OSBPL9: variants seen among roughly 807,000 people sequenced by gnomAD.
OSBPL9 encodes oxysterol-binding protein-related protein 9.
Under a neutral mutation model 106.6 loss-of-function variants are expected in OSBPL9, and 40 were observed. The observed-to-expected ratio is 0.38, with a 90% CI of 0.29 to 0.49. OSBPL9 has a LOEUF of 0.49. Among genes scored for constraint, OSBPL9 ranks in the 20% least tolerant of loss-of-function variants. The pLI is 0.97. For synonymous variants in OSBPL9, 269 were observed against 295.4 expected (o/e 0.91, Z 0.92); for missense variants, 609 against 887.2 (o/e 0.69, Z 3.98).
At chr1:51,521,051 C>T in the OSBPL9 span, among the ~76,000 whole-genome samples, 1 of 152,170 alleles carries the variant, frequency 6.6e-6, no homozygotes, top group African/African-American at 2.4e-5. Flanking sequence ...AGGAAGTAAT[C>T]GTCATACTCA....
Position 51,765,896 on chromosome 1 carries a change from G to C in OSBPL9, c.853G>C (p.Glu285Gln). ...GAACTTGTCTCCAAATACAGTCCCA[G>C]AGTTCTCTTACTCCAGCAGTGAAGA... ...HVNLSPNTVPEFSYSSSEDEF... is the reference protein window; with the variant it reads ...HVNLSPNTVPQFSYSSSEDEF... Residue 285 changes from glutamate (E) to glutamine (Q), a missense_variant, in exon 12 of 24, where the codon GAG becomes CAG. Around this residue, in one of 5 missense-constraint regions of OSBPL9, gnomAD observed 356 missense variants for 505.8 expected, o/e 0.70. Coordinates refer to ENST00000428468, the MANE Select transcript of OSBPL9 (RefSeq NM_024586.6). 6.2e-7 allele frequency: 1 copy of C among 1,614,024 alleles called. No homozygotes were observed. The highest frequency in any genetic ancestry group is 8.5e-7 in the Non-Finnish European group (1 of 1,179,966).
chr1:51,636,469 C>G (rs1189248108), intron 1 of OSBPL9, among the ~76,000 whole-genome samples: 1 of 151,932 alleles, frequency 6.6e-6, no homozygotes, highest in African/African-American at 2.4e-5. Flanking sequence ...TCCCAAGTAG[C>G]TGGGACTACA....
chr1:51,657,978 T>TTACACC (rs1646918237), intron 2 of OSBPL9, among the ~76,000 whole-genome samples: 2 of 151,814 alleles, frequency 1.3e-5, no homozygotes, highest in African/African-American at 4.8e-5. Flanking sequence ...GTGTGGTGGC[T>TTACACC]TACACCTCTA....
intron 7 of OSBPL9, among the ~76,000 whole-genome samples, chr1:51,749,103 T>C (rs540211291): frequency 2.0e-5 from 3 of 151,314 alleles, no homozygotes; most frequent in Non-Finnish European, 2.9e-5. Context: ...AAAAAAGTGA[T>C]GGGATTATAG....
At chr1:51,605,983 AAGAG>A (rs1160015759) in intron 2 of OSBPL9, among the ~76,000 whole-genome samples, 1 of 147,018 alleles carries the variant, frequency 6.8e-6, no homozygotes, top group African/African-American at 2.6e-5. Flanking sequence ...GAAACAAAGA[AAGAG>A]AGCGAGAGAG....
rs560787970 is a variant in OSBPL9, at chr1:51,747,879, T to TC, written c.463-487dup. ...ATCTCGGCTCACTGCAAGCTCTGCC[T>TC]CCCAGGTTCACGCCATTCTCCTGCC... On this transcript the variant is annotated intron_variant, in intron 6 of 23. Coordinates refer to ENST00000428468, the MANE Select transcript of OSBPL9 (RefSeq NM_024586.6). 1.1e-3 allele frequency among the ~76,000 whole-genome samples: 174 copies of TC among 152,258 alleles called. 4 individuals carry two copies. The East Asian group carries it at 0.027, about 23-fold the overall frequency.
rs539649198 is a variant in OSBPL9, at chr1:51,763,893, A to G, written c.778+1922A>G. ...AAAATTCCAAAATTTTTCTGTTTGG[A>G]AATACGTAAAACTAGCAACAGACTT... is the stretch of plus-strand genomic sequence containing the variant. On this transcript the variant is annotated intron_variant, in intron 11 of 23. Coordinates refer to ENST00000428468, the MANE Select transcript of OSBPL9 (RefSeq NM_024586.6). Among the ~76,000 whole-genome samples the G allele has an allele frequency of 5.3e-5, 8 of 152,258 alleles. No individual in the cohort carries two copies. The East Asian group carries it at 1.5e-3, about 29-fold the overall frequency.
In OSBPL9 at chr1:51,699,912, A is replaced by C. The variant is rs527870973; in HGVS notation, c.242-14091A>C. On this transcript the variant is annotated intron_variant, in intron 3 of 23. Coordinates refer to ENST00000428468, the MANE Select transcript of OSBPL9 (RefSeq NM_024586.6). ...TTTATTTCCATATGTATTTATCTAC[A>C]TGTATATCGAAAACCATGATGAGGT... Among the ~76,000 whole-genome samples the C allele has an allele frequency of 3.9e-5, 6 of 152,346 alleles. No individual in the cohort carries two copies. In the East Asian group the frequency reaches 1.2e-3, roughly 29 times the overall value.
intron 5 of OSBPL9, 106 bp downstream of exon 5, chr1:51,745,737 G>A: frequency 7.6e-7 from 1 of 1,310,600 alleles, no homozygotes; most frequent in East Asian, 2.9e-5. Context: ...CCCTCATGTG[G>A]TTCTTCAGCA....
chr1:51,772,725 T>G lies in OSBPL9; in HGVS notation c.1170+2T>G, dbSNP rs775428477. On this transcript the variant is annotated splice_donor_variant, in intron 14 of 23. Transcript: ENST00000428468. LOFTEE classifies it high-confidence loss of function. ...AGACTTGGAATGGATCTTACTAAGG[T>G]AAGACCAAATTTGCTGTAAGTCTGT... The G allele has an allele frequency of 3.7e-6, 6 of 1,607,430 alleles. No individual in the cohort carries two copies. Among genetic ancestry groups the G allele is most frequent in the Non-Finnish European group, 8.5e-7 (1 of 1,173,916 alleles).
chr1:51,746,664 A>G (rs1668039046), intron 5 of OSBPL9, 46 bp from the exon 6 acceptor site: 6 of 1,383,996 alleles, frequency 4.3e-6, no homozygotes, highest in African/African-American at 1.4e-5. Flanking sequence ...TGTACATCGT[A>G]TAGTAAAGTG....
intron 2 of OSBPL9, among the ~76,000 whole-genome samples, chr1:51,654,017 AG>A (rs140318030): frequency 2.0e-5 from 3 of 151,966 alleles, no homozygotes; most frequent in African/African-American, 7.3e-5. Context: ...CTGAAAAAAA[AG>A]AAAAAAAAAA....
chr1:51,649,139 C>T (rs1464852104), intron 1 of OSBPL9, among the ~76,000 whole-genome samples: 1 of 152,080 alleles, frequency 6.6e-6, no homozygotes, highest in African/African-American at 2.4e-5. Context: ...GAAACAGTCA[C>T]ACTGTTTCCC....
At chr1:51,669,705 G>T in intron 3 of OSBPL9, 193 bp downstream of exon 3, 2 of 602,740 alleles carry the variant, frequency 3.3e-6, no homozygotes. Flanking sequence ...AGATCGATTT[G>T]AAACGACTGT....
chr1:51,562,560 G>A, the OSBPL9 span, among the ~76,000 whole-genome samples: 1 of 152,176 alleles, frequency 6.6e-6, no homozygotes, highest in East Asian at 1.9e-4. Context: ...TTAGACATAA[G>A]GATTCAGAGA....
At chr1:51,640,575 G>A (rs1297562131) in intron 1 of OSBPL9, among the ~76,000 whole-genome samples, 1 of 152,012 alleles carries the variant, frequency 6.6e-6, no homozygotes, top group South Asian at 2.1e-4. Flanking sequence ...TTACAGAACC[G>A]GGGAAAAGGT....
At chr1:51,738,205 GTGTTT>G (rs1666127594) in intron 4 of OSBPL9, among the ~76,000 whole-genome samples, 2 of 151,918 alleles carry the variant, frequency 1.3e-5, no homozygotes, top group African/African-American at 4.8e-5. Context: ...GTTAGTATTT[GTGTTT>G]TGTTCTATAA....
intron 1 of OSBPL9, among the ~76,000 whole-genome samples, chr1:51,633,421 A>G (rs1283244643): frequency 1.3e-5 from 2 of 151,600 alleles, no homozygotes; most frequent in Non-Finnish European, 2.9e-5. Context: ...AAAATAAAAA[A>G]TAAAAATTAT....
intron 1 of OSBPL9, among the ~76,000 whole-genome samples, chr1:51,592,037 CATA>C (rs34194852): frequency 0.24 from 35,763 of 148,872 alleles, 4,984 homozygotes; most frequent in Middle Eastern, 0.32. Context: ...CTTCACTCAA[CATA>C]ATAATTGCAT....
Sources: gnomAD v4.1 joint callset for allele counts (sites outside exome capture counted in the v4.1 genomes callset) on GRCh38, gnomAD v4.1.1 for gene constraint, gnomAD v4.1.1 regional missense constraint, MANE v1.5 for transcripts, NCBI Gene and HGNC (gene_info 2026-07-23, HGNC 2026-07-21) for gene names.